The following PKHD1 variants were observed in gnomAD, a reference collection of about 807,000 sequenced individuals.
The protein encoded by PKHD1 is fibrocystin.
PKHD1 carries 291 observed loss-of-function variants against 412.0 expected under a neutral mutation model. That is an observed-to-expected ratio of 0.71 (90% CI 0.64 to 0.78). The LOEUF (loss-of-function observed/expected upper bound fraction) is 0.78, where lower values mean the gene tolerates loss of function less well. Ranked by LOEUF, PKHD1 falls within the 30% of genes least tolerant of loss-of-function variation. The pLI, the probability that PKHD1 is intolerant of heterozygous loss-of-function variation, is 0.00. For synonymous variants in PKHD1, 1,777 were observed against 1,821.5 expected (o/e 0.98, Z 0.62); for missense variants, 4,825 against 4,950.7 (o/e 0.97, Z 0.76).
At chr6:51,948,628 G>C (rs1262239061) in intron 36 of PKHD1, among the ~76,000 whole-genome samples, 1 of 152,174 alleles carries the variant, frequency 6.6e-6, no homozygotes, top group Admixed American at 6.5e-5. Flanking sequence ...TGGAACATGG[G>C]GAACGTGTTA....
Position 51,847,766 on chromosome 6 carries a change from G to A in PKHD1, c.8107+9C>T, listed in dbSNP as rs1209995016. 2.5e-6 allele frequency: 4 copies of A among 1,588,022 alleles called. No individual in the cohort carries two copies. Among genetic ancestry groups the A allele is most frequent in the Middle Eastern group, 1.7e-4 (1 of 6,018 alleles). ...TGCTCTCAAAACATTCATCCAATTGGATACTTACCCAGATAGGTGAGTTGC... is the reference window on the plus strand; with the variant it reads ...TGCTCTCAAAACATTCATCCAATTGAATACTTACCCAGATAGGTGAGTTGC... On this transcript the variant is annotated intron_variant, in intron 50 of 66. Transcript: ENST00000371117.
chr6:51,769,003 T>C (rs946392596), intron 55 of PKHD1, among the ~76,000 whole-genome samples: 8 of 151,716 alleles, frequency 5.3e-5, no homozygotes, highest in Non-Finnish European at 1.2e-4. Context: ...TTAAGGTAAA[T>C]TATATGAATG....
chr6:51,768,003 G>A (rs914688558), intron 55 of PKHD1, among the ~76,000 whole-genome samples: 1 of 151,798 alleles, frequency 6.6e-6, no homozygotes, highest in African/African-American at 2.4e-5. Context: ...TTTAATGATC[G>A]CCATTCTAAC....
At chr6:51,691,146 C>CA (rs1162297829) in intron 60 of PKHD1, among the ~76,000 whole-genome samples, 8 of 147,446 alleles carry the variant, frequency 5.4e-5, no homozygotes, top group Non-Finnish European at 9.0e-5. Context: ...ACTAAAAAGT[C>CA]AAAAAATAAC....
chr6:52,014,696 GGATA>G (rs772339656), intron 34 of PKHD1, among the ~76,000 whole-genome samples: 4,623 of 57,964 alleles, frequency 0.08, 332 homozygotes, highest in Non-Finnish European at 0.15. Context: ...TGAATATACT[GGATA>G]GATGGATGGA....
chr6:51,651,140 T>C (rs1378002825), intron 61 of PKHD1, among the ~76,000 whole-genome samples: 2 of 152,076 alleles, frequency 1.3e-5, no homozygotes, highest in Non-Finnish European at 2.9e-5. Flanking sequence ...CGCTAAAAGG[T>C]CCATTCCTGA....
chr6:51,645,389 T>C (rs898365789), intron 63 of PKHD1, among the ~76,000 whole-genome samples: 6 of 152,168 alleles, frequency 3.9e-5, no homozygotes, highest in South Asian at 2.1e-4. Context: ...GAAAACATTA[T>C]TTTCTTTTTT....
chr6:51,626,145 T>G (rs748166542), intron 66 of PKHD1, among the ~76,000 whole-genome samples: 1 of 151,860 alleles, frequency 6.6e-6, no homozygotes, highest in South Asian at 2.1e-4. Flanking sequence ...AACACACACA[T>G]GAAAGATCTC....
chr6:52,037,501 A>G lies in PKHD1; in HGVS notation c.3098-1780T>C, dbSNP rs148234514. Among the ~76,000 whole-genome samples, 818 of 152,286 alleles carry G rather than the reference A, an allele frequency of 5.4e-3. 7 individuals are homozygous for G. The highest frequency in any genetic ancestry group is 0.019 in the African/African-American group (790 of 41,552). ...TTAAAATCAGTAAGAAAGAACAATA[A>G]CCCCATTAGAAAAAATGGGCTAAGG... On this transcript the variant is annotated intron_variant, in intron 27 of 66. Coordinates refer to ENST00000371117, the MANE Select transcript of PKHD1 (RefSeq NM_138694.4).
chr6:51,816,790 T>C (rs1765529793), intron 52 of PKHD1, among the ~76,000 whole-genome samples: 1 of 152,254 alleles, frequency 6.6e-6, no homozygotes, highest in Non-Finnish European at 1.5e-5. Context: ...CTCTGCCACA[T>C]GGCTGCACGA....
intron 52 of PKHD1, among the ~76,000 whole-genome samples, chr6:51,796,048 C>T (rs1359599358): frequency 1.3e-5 from 2 of 152,090 alleles, no homozygotes; most frequent in Non-Finnish European, 2.9e-5. Flanking sequence ...GGAGTCCTTC[C>T]TTTTTAATTC....
intron 60 of PKHD1, among the ~76,000 whole-genome samples, chr6:51,667,165 T>C (rs891975118): frequency 4.9e-5 from 7 of 143,602 alleles, no homozygotes; most frequent in East Asian, 4.1e-4. Flanking sequence ...CCACCAACAG[T>C]GTAAAAGTGT....
intron 37 of PKHD1, among the ~76,000 whole-genome samples, chr6:51,921,455 T>A (rs555146018): frequency 3.0e-4 from 45 of 152,330 alleles, no homozygotes; most frequent in Middle Eastern, 6.8e-3. Flanking sequence ...CTGTATTTCC[T>A]GAATTTGAAT....
chr6:51,642,385 T>C (rs561102766), intron 63 of PKHD1, among the ~76,000 whole-genome samples: 36 of 152,062 alleles, frequency 2.4e-4, no homozygotes, highest in Non-Finnish European at 4.3e-4. Context: ...GTCTGGAGAA[T>C]GTGTAAAGTA....
chr6:51,655,394 TA>T (rs1395927145), intron 61 of PKHD1, among the ~76,000 whole-genome samples: 2 of 152,138 alleles, frequency 1.3e-5, no homozygotes, highest in African/African-American at 4.8e-5. Flanking sequence ...TTTTCTTCTC[TA>T]TTCCAAAGCA....
At chr6:51,674,581 G>GA (rs1182580181) in intron 60 of PKHD1, among the ~76,000 whole-genome samples, 4 of 151,994 alleles carry the variant, frequency 2.6e-5, no homozygotes, top group Non-Finnish European at 4.4e-5. Context: ...TGAGGAAGAA[G>GA]AAAAAAAGCA....
At position 52,042,844 on chromosome 6, in the gene PKHD1, C is replaced by A. The variant is rs376878007; in HGVS notation, c.3097+15G>T. 1.6e-4 allele frequency: 255 copies of A among 1,612,296 alleles called. No individual in the cohort carries two copies. The African/African-American group carries it at 3.1e-3, about 20-fold the overall frequency. On this transcript the variant is annotated intron_variant, in intron 27 of 66. Transcript: ENST00000371117. ...TCAGAGGGTCAGACATACTGTGAGA[C>A]CCTCCCCAGATTACCAATATCCGCA...
Position 52,069,582 on chromosome 6 carries a change from T to G in PKHD1, c.708-55A>C, listed in dbSNP as rs1475845547. On this transcript the variant is annotated intron_variant, in intron 10 of 66. Transcript: ENST00000371117. ...TGAAAATATCAACTGGGATTGCATTTTTTTTAGTCGGCTGCCTGAAAGGAA... is the reference window on the plus strand; with the variant it reads ...TGAAAATATCAACTGGGATTGCATTGTTTTTAGTCGGCTGCCTGAAAGGAA... 2.9e-6 allele frequency: 4 copies of G among 1,373,238 alleles called. No individual in the cohort carries two copies. The African/African-American group carries it at 5.7e-5, about 20-fold the overall frequency. 85.1% of individuals were successfully genotyped at this position (1,373,238 alleles called of 1,614,324 possible).
chr6:51,664,936 A>C (rs989170852), intron 60 of PKHD1, among the ~76,000 whole-genome samples: 1 of 152,130 alleles, frequency 6.6e-6, no homozygotes, highest in African/African-American at 2.4e-5. Context: ...TTATTTAAAT[A>C]AAGAGTTTCA....
Sources: gnomAD v4.1 joint callset for allele counts (sites outside exome capture counted in the v4.1 genomes callset) on GRCh38, gnomAD v4.1.1 for gene constraint, MANE v1.5 for transcripts, NCBI Gene and HGNC (gene_info 2026-07-23, HGNC 2026-07-21) for gene names.